Variants in SEC24D observed in about 807,000 individuals in gnomAD.
SEC24D encodes SEC24 homolog D, COPII component.
In SEC24D, 69 loss-of-function variants were observed where a neutral mutation model predicts 116.9. That is an observed-to-expected ratio of 0.59 (90% CI 0.49 to 0.72). The LOEUF is 0.72. Ranked by LOEUF, SEC24D falls within the 30% of genes least tolerant of loss-of-function variation. The pLI is 0.00. For synonymous variants in SEC24D, 405 were observed against 442.8 expected (o/e 0.91, Z 1.07); for missense variants, 1,131 against 1,264.1 (o/e 0.89, Z 1.60).
At chr4:118,818,975 G>A (rs1194855314) in intron 3 of SEC24D, among the ~76,000 whole-genome samples, 1 of 152,082 alleles carries the variant, frequency 6.6e-6, no homozygotes, top group Non-Finnish European at 1.5e-5. Context: ...ATACTTTTTG[G>A]AAGAAAATGA....
At chr4:118,784,287 A>G (rs1468305999) in intron 8 of SEC24D, among the ~76,000 whole-genome samples, 1 of 152,232 alleles carries the variant, frequency 6.6e-6, no homozygotes, top group African/African-American at 2.4e-5. Context: ...CTATATCAAT[A>G]AACTGAAATA....
chr4:118,812,098 T>A (rs914307095), intron 6 of SEC24D, among the ~76,000 whole-genome samples: 1 of 152,194 alleles, frequency 6.6e-6, no homozygotes, highest in African/African-American at 2.4e-5. Flanking sequence ...CCCTTTTGGA[T>A]GTCTGCCACC....
chr4:118,773,095 A>T (rs534688523), intron 8 of SEC24D, among the ~76,000 whole-genome samples: 9 of 149,314 alleles, frequency 6.0e-5, no homozygotes, highest in African/African-American at 1.3e-4. Flanking sequence ...CACTAATTTT[A>T]AAAAAAAACT....
chr4:118,738,411 T>A (rs1726074971), intron 18 of SEC24D, 32 bp from the exon 19 acceptor site: 8 of 1,408,460 alleles, frequency 5.7e-6, no homozygotes, highest in Non-Finnish European at 8.1e-6. Flanking sequence ...AGGACATGAG[T>A]TTTAGCTCAG....
intron 3 of SEC24D, among the ~76,000 whole-genome samples, chr4:118,818,642 C>T (rs1047119863): frequency 2.0e-5 from 3 of 152,104 alleles, no homozygotes; most frequent in African/African-American, 7.2e-5. Flanking sequence ...CTTTTCCACT[C>T]ATACCTCTGA....
intron 7 of SEC24D, among the ~76,000 whole-genome samples, chr4:118,801,360 AACAGAAAAAGAATACAG>A (rs1482914834): frequency 4.6e-5 from 7 of 152,170 alleles, no homozygotes; most frequent in African/African-American, 1.7e-4. Context: ...AGCTTCTAGG[AACAGAAAAAGAATACAG>A]ACAGGTAAAC....
chr4:118,781,741 T>C (rs1728422815), intron 8 of SEC24D, among the ~76,000 whole-genome samples: 1 of 152,230 alleles, frequency 6.6e-6, no homozygotes, highest in South Asian at 2.1e-4. Context: ...AACACAGATT[T>C]GGTCTTTTCA....
chr4:118,797,662 G>A (rs765127920), intron 8 of SEC24D, 21 bp downstream of exon 8: 27 of 1,521,552 alleles, frequency 1.8e-5, no homozygotes, highest in Non-Finnish European at 2.4e-5. Context: ...TTATTGAATT[G>A]CTATTATATA....
chr4:118,760,996 C>A (rs892980880), intron 10 of SEC24D, among the ~76,000 whole-genome samples: 1 of 152,070 alleles, frequency 6.6e-6, no homozygotes, highest in Non-Finnish European at 1.5e-5. Flanking sequence ...GGATTACAGG[C>A]ATGAGCCACC....
chr4:118,745,653 A>G (rs1169996130), intron 13 of SEC24D, among the ~76,000 whole-genome samples: 1 of 152,250 alleles, frequency 6.6e-6, no homozygotes, highest in Non-Finnish European at 1.5e-5. Context: ...AACAAAAAGA[A>G]GAGTCAAAGC....
intron 5 of SEC24D, 109 bp from the exon 6 acceptor site, chr4:118,815,264 T>C (rs1730091359): frequency 1.4e-6 from 2 of 1,447,082 alleles, no homozygotes; most frequent in Non-Finnish European, 1.9e-6. Context: ...TTTCATCTTA[T>C]TAAAAAAAGC....
At chr4:118,725,882 T>A (rs1307394215) in intron 22 of SEC24D, among the ~76,000 whole-genome samples, 1 of 152,172 alleles carries the variant, frequency 6.6e-6, no homozygotes, top group Non-Finnish European at 1.5e-5. Context: ...GGTCGTCTCT[T>A]CAAGGGGCAC....
chr4:118,732,930 T>C lies in SEC24D; in HGVS notation c.2497-18A>G. 1 of 1,607,438 alleles carries C rather than the reference T, an allele frequency of 6.2e-7. No homozygotes were observed. Among genetic ancestry groups the C allele is most frequent in the Non-Finnish European group, 8.5e-7 (1 of 1,174,546 alleles). On this transcript the variant is annotated intron_variant, in intron 19 of 22. Transcript: ENST00000280551. The stretch of plus-strand genomic sequence containing the variant: ...AGAATAAGCTGAAAAAGACAATTTT[T>C]TGTTTCATACGCTTGATCTTTACTG...
intron 6 of SEC24D, among the ~76,000 whole-genome samples, chr4:118,811,101 G>A (rs1029691930): frequency 6.6e-6 from 1 of 152,210 alleles, no homozygotes; most frequent in African/African-American, 2.4e-5. Flanking sequence ...GGGTTGTGGT[G>A]ATGAAATCTA....
intron 11 of SEC24D, among the ~76,000 whole-genome samples, chr4:118,757,202 A>G (rs899520728): frequency 2.0e-5 from 3 of 152,158 alleles, no homozygotes; most frequent in African/African-American, 7.2e-5. Flanking sequence ...CCCTCTTGCA[A>G]TGGCAAGGAA....
chr4:118,732,666 C>T (rs185112186), intron 20 of SEC24D, 67 bp downstream of exon 20: 25 of 1,441,920 alleles, frequency 1.7e-5, no homozygotes, highest in African/African-American at 4.2e-5. Context: ...ATATAACATA[C>T]GGGAAAGCAC....
At chr4:118,827,508 CACA>C (rs540118710) in intron 2 of SEC24D, among the ~76,000 whole-genome samples, 15 of 152,172 alleles carry the variant, frequency 9.9e-5, no homozygotes, top group Non-Finnish European at 2.2e-4. Flanking sequence ...GACCAGTAAA[CACA>C]ACAATTCCAA....
intron 22 of SEC24D, 70 bp downstream of exon 22, chr4:118,728,491 G>T (rs1201745774): frequency 2.4e-6 from 2 of 841,184 alleles, no homozygotes; most frequent in South Asian, 1.6e-5. Flanking sequence ...AAAATATAGG[G>T]TGTGCATGTT....
In SEC24D at chr4:118,726,586, T is replaced by C. The variant is rs72679021; in HGVS notation, c.2958+1975A>G. Among the ~76,000 whole-genome samples the C allele has an allele frequency of 2.8e-3, 428 of 152,268 alleles. 4 individuals are homozygous for C. The highest frequency in any genetic ancestry group is 3.7e-3 in the Non-Finnish European group (253 of 68,022). ...AGCAGAATCTTGGAGAAGTGGCAGC[T>C]TCTATGAAGGTAGATTTGAACAGCT... On this transcript the variant is annotated intron_variant, in intron 22 of 22. Transcript: ENST00000280551.
Sources: gnomAD v4.1 joint callset for allele counts (sites outside exome capture counted in the v4.1 genomes callset) on GRCh38, gnomAD v4.1.1 for gene constraint, MANE v1.5 for transcripts, NCBI Gene and HGNC (gene_info 2026-07-23, HGNC 2026-07-21) for gene names.